The following NRDC variants were observed in gnomAD, a reference collection of about 807,000 sequenced individuals.
The protein encoded by NRDC is nardilysin convertase.
In NRDC, 54 loss-of-function variants were observed where a neutral mutation model predicts 147.1. The observed-to-expected ratio is 0.37, with a 90% CI of 0.29 to 0.46. The LOEUF (loss-of-function observed/expected upper bound fraction) is 0.46. Ranked by LOEUF, NRDC falls within the 20% of genes least tolerant of loss-of-function variation. The pLI is 1.00. For synonymous variants in NRDC, 440 were observed against 482.1 expected, an observed-to-expected ratio of 0.91 and a Z score of 1.14; for missense variants, 1,082 against 1,370.6, an observed-to-expected ratio of 0.79 and a Z score of 3.33.
At chr1:51,824,773 C>T (rs1680371654) in intron 6 of NRDC, among the ~76,000 whole-genome samples, 1 of 152,170 alleles carries the variant, frequency 6.6e-6, no homozygotes, top group Non-Finnish European at 1.5e-5. Context: ...ATGTTCAAAT[C>T]TCACATCCAC....
intron 1 of NRDC, among the ~76,000 whole-genome samples, chr1:51,877,493 T>G (rs1412381610): frequency 6.6e-6 from 1 of 152,056 alleles, no homozygotes; most frequent in Non-Finnish European, 1.5e-5. Flanking sequence ...AGACCCAGAC[T>G]CTTATTAAAA....
At chr1:51,801,857 G>T (rs949393031) in intron 20 of NRDC, among the ~76,000 whole-genome samples, 1 of 151,816 alleles carries the variant, frequency 6.6e-6, no homozygotes, top group Non-Finnish European at 1.5e-5. Context: ...GCGCGATCTC[G>T]GCTCACTTCA....
chr1:51,876,002 T>G (rs1258724343), intron 1 of NRDC, among the ~76,000 whole-genome samples: 1 of 152,192 alleles, frequency 6.6e-6, no homozygotes, highest in African/African-American at 2.4e-5. Flanking sequence ...ATATTTAATC[T>G]AGCTTGGTGC....
At chr1:51,864,661 T>C (rs1557938991) in intron 1 of NRDC, among the ~76,000 whole-genome samples, 1 of 152,044 alleles carries the variant, frequency 6.6e-6, no homozygotes, top group Non-Finnish European at 1.5e-5. Flanking sequence ...AGTAATAAAA[T>C]TAGATTTTTG....
In NRDC at chr1:51,840,392, T is replaced by C. The variant is rs1681208927; in HGVS notation, c.464A>G (p.Asp155Gly). 2.9e-6 allele frequency: 1 copy of C among 345,386 alleles called. No individual in the cohort carries two copies. The highest frequency in any genetic ancestry group is 4.0e-5 in the South Asian group (1 of 25,312). 21.4% of individuals were successfully genotyped at this position (345,386 alleles called of 1,614,324 possible). ...TTCAGCTCCAGAATCTTCATCATCA[T>C]CTTCTTCTTCTTCCTCCACCTCCTC... is the stretch of plus-strand genomic sequence containing the variant. ...EEEEVEEEEE[D>G]DDEDSGAEIE... Residue 155 changes from aspartate (D) to glycine (G), a missense_variant, in exon 2 of 31, where the codon GAT becomes GGT. Asp to Gly is a moderately conservative substitution (Grantham distance 94). Coordinates refer to ENST00000352171, the MANE Select transcript of NRDC (RefSeq NM_001101662.2).
intron 22 of NRDC, among the ~76,000 whole-genome samples, chr1:51,797,068 C>A (rs1331847944): frequency 2.0e-5 from 3 of 151,766 alleles, no homozygotes; most frequent in South Asian, 2.1e-4. Context: ...GGTGAGGTGG[C>A]AGGTGCCTGT....
At chr1:51,789,849 C>CCAAT (rs1271714715) in intron 29 of NRDC, 192 bp from the exon 30 acceptor site, 4 of 590,688 alleles carry the variant, frequency 6.8e-6, no homozygotes, top group East Asian at 2.8e-5. Flanking sequence ...ACATTTTATA[C>CCAAT]CAATCATCTA....
At chr1:51,791,120 G>A (rs1030809469) in intron 27 of NRDC, 130 bp from the exon 28 acceptor site, 1 of 670,076 alleles carries the variant, frequency 1.5e-6, no homozygotes, top group Non-Finnish European at 2.5e-6. Flanking sequence ...AAAAGCTAAA[G>A]TGTTTTCCCA....
Position 51,806,782 on chromosome 1 carries a change from G to A in NRDC, c.2110+12C>T, listed in dbSNP as rs1679485106. On this transcript the variant is annotated intron_variant, in intron 18 of 30. Transcript: ENST00000352171. ...AATTCAGCAGGGAAGTAACAGGAGG[G>A]CAACATTTTACCTTTGGGGATTTTG... 3 of 1,611,348 alleles carry A rather than the reference G, an allele frequency of 1.9e-6. No homozygotes were observed. In the East Asian group the frequency reaches 6.7e-5, roughly 36 times the overall value.
intron 1 of NRDC, among the ~76,000 whole-genome samples, chr1:51,850,716 G>A (rs1419212185): frequency 3.3e-5 from 5 of 152,134 alleles, no homozygotes; most frequent in African/African-American, 9.7e-5. Context: ...AAGGATCTGC[G>A]GGCACACAGA....
intron 4 of NRDC, among the ~76,000 whole-genome samples, chr1:51,831,936 AT>A (rs1350833770): frequency 2.0e-5 from 3 of 152,210 alleles, no homozygotes; most frequent in Non-Finnish European, 4.4e-5. Context: ...CAAAAAAAAA[AT>A]AAATAAATAG....
chr1:51,844,101 T>C (rs139709859), intron 1 of NRDC, among the ~76,000 whole-genome samples: 4 of 152,246 alleles, frequency 2.6e-5, no homozygotes, highest in African/African-American at 9.6e-5. Context: ...TAACTCTCTG[T>C]TTCCATTCTA....
intron 13 of NRDC, 87 bp downstream of exon 13, chr1:51,814,464 G>A: frequency 7.7e-7 from 1 of 1,303,032 alleles, no homozygotes; most frequent in South Asian, 1.3e-5. Flanking sequence ...AACCATCAAG[G>A]CAAGACTAAA....
chr1:51,859,332 G>T (rs1378162385), intron 1 of NRDC, among the ~76,000 whole-genome samples: 2 of 152,170 alleles, frequency 1.3e-5, no homozygotes, highest in Non-Finnish European at 2.9e-5. Flanking sequence ...AAATAGAAAT[G>T]GCTTCAAAAT....
chr1:51,836,089 G>A, intron 3 of NRDC, 42 bp downstream of exon 3: 1 of 1,466,610 alleles, frequency 6.8e-7, no homozygotes, highest in Non-Finnish European at 9.5e-7. Context: ...GTTTGGAGGG[G>A]GGAAAAAAAC....
intron 5 of NRDC, among the ~76,000 whole-genome samples, chr1:51,826,197 C>T (rs757860313): frequency 9.2e-5 from 14 of 152,134 alleles, no homozygotes; most frequent in Non-Finnish European, 1.5e-4. Context: ...GACTAAAAAC[C>T]GCTAGAACTG....
At chr1:51,876,205 G>A (rs948646749) in intron 1 of NRDC, among the ~76,000 whole-genome samples, 1 of 152,084 alleles carries the variant, frequency 6.6e-6, no homozygotes, top group African/African-American at 2.4e-5. Flanking sequence ...ATTTGATCTG[G>A]AAGGCAAAAA....
intron 9 of NRDC, among the ~76,000 whole-genome samples, 198 bp from the exon 10 acceptor site, chr1:51,818,333 AG>A (rs1237332048): frequency 6.6e-6 from 1 of 152,178 alleles, no homozygotes; most frequent in Non-Finnish European, 1.5e-5. Flanking sequence ...TTGGTTTCAG[AG>A]GTAGAGAAAG....
chr1:51,806,535 C>T (rs568213337), intron 18 of NRDC, among the ~76,000 whole-genome samples: 13 of 152,020 alleles, frequency 8.6e-5, no homozygotes, highest in Admixed American at 2.6e-4. Flanking sequence ...AGTCTTCAAA[C>T]GGAAGGGGAA....
Sources: gnomAD v4.1 joint callset for allele counts (sites outside exome capture counted in the v4.1 genomes callset) on GRCh38, gnomAD v4.1.1 for gene constraint, MANE v1.5 for transcripts, NCBI Gene and HGNC (gene_info 2026-07-23, HGNC 2026-07-21) for gene names.